Variants in TCF4 observed in about 807,000 individuals in gnomAD.
The protein encoded by TCF4 is transcription factor 4.
Under a neutral mutation model 82.1 loss-of-function variants are expected in TCF4, and 3 were observed. The ratio of observed to expected loss-of-function variants is 0.04; its 90% CI spans 0.02 to 0.09. The LOEUF (loss-of-function observed/expected upper bound fraction) is 0.09. TCF4 is among the 10% of genes least tolerant of loss of function. TCF4 has a pLI of 1.00. For missense variants in TCF4, 518 were observed against 852.7 expected, an observed-to-expected ratio of 0.61 and a Z score of 4.89; for synonymous variants, 276 against 309.6, an observed-to-expected ratio of 0.89 and a Z score of 1.14.
At chr18:55,413,565 A>G (rs1229959478) in intron 5 of TCF4, among the ~76,000 whole-genome samples, 2 of 152,146 alleles carry the variant, frequency 1.3e-5, no homozygotes, top group Non-Finnish European at 2.9e-5. Context: ...GTTATTGTTC[A>G]AGGAAGGGGA....
At chr18:55,491,708 A>C (rs770923169) in intron 3 of TCF4, among the ~76,000 whole-genome samples, 1 of 152,184 alleles carries the variant, frequency 6.6e-6, no homozygotes, top group Non-Finnish European at 1.5e-5. Context: ...TAATAGTTTA[A>C]TGGGCTCCGT....
chr18:55,571,873 T>TC (rs1037693032), intron 3 of TCF4, among the ~76,000 whole-genome samples: 1 of 100,260 alleles, frequency 1.0e-5, no homozygotes, highest in Non-Finnish European at 2.1e-5. Context: ...TATTTTCTTT[T>TC]CAAAAAAAAA....
chr18:55,403,941 T>C, intron 5 of TCF4: 1 of 1,356,332 alleles, frequency 7.4e-7, no homozygotes, highest in South Asian at 1.8e-5. Context: ...AACTAATCAA[T>C]CACAGGCTCT....
chr18:55,472,248 A>G (rs1169247302), intron 3 of TCF4, among the ~76,000 whole-genome samples: 2 of 152,246 alleles, frequency 1.3e-5, no homozygotes, highest in Non-Finnish European at 2.9e-5. Context: ...GTTATGTTAC[A>G]AATATGTCAG....
chr18:55,625,517 G>A (rs982874729), intron 2 of TCF4, among the ~76,000 whole-genome samples: 10 of 152,264 alleles, frequency 6.6e-5, no homozygotes, highest in East Asian at 5.8e-4. Context: ...GATTGCAAGC[G>A]TGAGCCACTG....
At chr18:55,428,460 C>T (rs2095069656) in intron 5 of TCF4, among the ~76,000 whole-genome samples, 2 of 152,198 alleles carry the variant, frequency 1.3e-5, no homozygotes, top group African/African-American at 4.8e-5. Context: ...CCCTTAAATT[C>T]AACTGTCTAC....
At chr18:55,623,978 A>G (rs2097724102) in intron 2 of TCF4, among the ~76,000 whole-genome samples, 1 of 152,144 alleles carries the variant, frequency 6.6e-6, no homozygotes, top group African/African-American at 2.4e-5. Flanking sequence ...TCCCAATTCA[A>G]AAGAGAGTTT....
chr18:55,505,877 C>T (rs1285498530), intron 3 of TCF4, among the ~76,000 whole-genome samples: 2 of 149,314 alleles, frequency 1.3e-5, no homozygotes, highest in South Asian at 2.1e-4. Flanking sequence ...ATCTGGGAAA[C>T]ATACACCCAG....
In TCF4 at chr18:55,588,026, G is replaced by C. The variant is rs1055665608; in HGVS notation, c.-21+12C>G. ...CTCCGCCCCGCCGAGCCCCGCAGGC[G>C]CCGGTACCTACCGCCCGCGCGCGAG... On this transcript the variant is annotated intron_variant, in intron 1 of 19. Transcript: ENST00000354452. 6 of 981,776 alleles carry C rather than the reference G, an allele frequency of 6.1e-6. No individual in the cohort carries two copies. The highest frequency in any genetic ancestry group is 2.4e-6 in the Non-Finnish European group (2 of 828,498). The allele number at this position is 981,776 out of a possible 1,614,324, so 60.8% of individuals were successfully genotyped here.
intron 3 of TCF4, among the ~76,000 whole-genome samples, chr18:55,471,808 C>CCTGG (rs2096188615): frequency 6.6e-6 from 1 of 151,496 alleles, no homozygotes; most frequent in Admixed American, 6.6e-5. Flanking sequence ...AGAATACAGA[C>CCTGG]CTGGGCTTTC....
intron 11 of TCF4, chr18:55,269,565 G>A: frequency 2.1e-6 from 1 of 475,510 alleles, no homozygotes; most frequent in South Asian, 2.1e-5. Context: ...TGAGGAACAA[G>A]ATAGTTTTGG....
Position 55,384,598 on chromosome 18 carries a change from T to C in TCF4, c.369+18856A>G, listed in dbSNP as rs1002536184. Among the ~76,000 whole-genome samples the C allele has an allele frequency of 5.9e-5, 9 of 152,314 alleles. No homozygotes were observed. The East Asian group carries it at 1.7e-3, about 29-fold the overall frequency. ...TAACCTATTCAGAGCTGGTTCACAT[T>C]GATACTGAAAGAAGACAACCCATTA... On this transcript the variant is annotated intron_variant, in intron 6 of 19. Transcript: ENST00000354452.
Position 55,418,552 on chromosome 18 carries a change from C to T in TCF4, c.305-15034G>A, listed in dbSNP as rs2094602756. Among the ~76,000 whole-genome samples, 4 of 152,260 alleles carry T rather than the reference C, an allele frequency of 2.6e-5. No individual in the cohort carries two copies. The South Asian group carries it at 8.3e-4, about 32-fold the overall frequency. On this transcript the variant is annotated intron_variant, in intron 5 of 19. Coordinates refer to ENST00000354452, the MANE Select transcript of TCF4 (RefSeq NM_001083962.2). ...ATTTCATTAAGTGCTTTTCAACATA[C>T]ATGCTCAAATGAGCTTCCTCATAAT...
chr18:55,306,109 CAA>C (rs2070239290), intron 8 of TCF4, among the ~76,000 whole-genome samples: 2 of 152,114 alleles, frequency 1.3e-5, no homozygotes, highest in Non-Finnish European at 2.9e-5. Context: ...ACAACAAAAT[CAA>C]CCACTGAAAT....
intron 2 of TCF4, among the ~76,000 whole-genome samples, chr18:55,601,601 T>C (rs1335542573): frequency 2.0e-5 from 3 of 151,950 alleles, no homozygotes; most frequent in Non-Finnish European, 2.9e-5. Flanking sequence ...CTGACCAACA[T>C]GGTGAAACCC....
chr18:55,310,153 A>T (rs1280866821), intron 8 of TCF4, among the ~76,000 whole-genome samples: 1 of 152,220 alleles, frequency 6.6e-6, no homozygotes, highest in Non-Finnish European at 1.5e-5. Context: ...TAAACACATC[A>T]GTGTGATTTT....
Position 55,295,883 on chromosome 18 carries a change from T to G in TCF4, c.550-16227A>C, listed in dbSNP as rs1788033. ...TCCTCTAAGGCCAAATGTGGACTAG[T>G]TGTCCTTTGTATATCTACCTTAAGG... is the stretch of plus-strand genomic sequence containing the variant. On this transcript the variant is annotated intron_variant, in intron 8 of 19. Transcript: ENST00000354452. Among the ~76,000 whole-genome samples, 234 of 152,268 alleles carry G rather than the reference T, an allele frequency of 1.5e-3. 1 individual carries two copies. The highest frequency in any genetic ancestry group is 5.4e-3 in the African/African-American group (225 of 41,562).
chr18:55,465,247 T>A (rs1033753951), intron 3 of TCF4, among the ~76,000 whole-genome samples: 24 of 152,202 alleles, frequency 1.6e-4, no homozygotes, highest in Non-Finnish European at 2.9e-5. Flanking sequence ...ATTCTCTTAA[T>A]GCTCTACTGT....
At chr18:55,268,709 A>G (rs1478466987) in intron 11 of TCF4, 4 of 152,042 alleles carry the variant, frequency 2.6e-5, no homozygotes, top group Non-Finnish European at 4.4e-5. Context: ...ACTTTCCTAC[A>G]TAAGTGATTC....
Sources: allele counts gnomAD v4.1 joint callset (sites outside exome capture counted in the v4.1 genomes callset), GRCh38; gene constraint gnomAD v4.1.1; transcripts MANE v1.5; gene names NCBI Gene and HGNC (gene_info 2026-07-23, HGNC 2026-07-21).